GK: variants seen among roughly 807,000 people sequenced by gnomAD.
GK encodes ATP:glycerol 3-phosphotransferase.
Under a neutral mutation model 56.4 loss-of-function variants are expected in GK, and 9 were observed. The ratio of observed to expected loss-of-function variants is 0.16; its 90% confidence interval spans 0.10 to 0.28. The LOEUF (loss-of-function observed/expected upper bound fraction) is 0.28. GK is among the 10% of genes least tolerant of loss of function. The probability of loss-of-function intolerance (pLI) is 1.00; values close to 1 mark genes in which losing one functional copy is unlikely to be tolerated. For synonymous variants in GK, 104 were observed against 144.1 expected, an observed-to-expected ratio of 0.72 and a Z score of 1.99; for missense variants, 161 against 431.4, an observed-to-expected ratio of 0.37 and a Z score of 5.55.
intron 16 of GK, 34 bp from the exon 17 acceptor site, chrX:30,720,587 G>A: frequency 8.5e-7 from 1 of 1,171,257 alleles, no homozygotes; most frequent in South Asian, 1.8e-5. Flanking sequence ...CTATGAAATA[G>A]ATTTATAACA....
chrX:30,689,140 T>G (rs772516992), intron 4 of GK, among the ~76,000 whole-genome samples: 1 of 112,719 alleles, frequency 8.9e-6, no homozygotes, highest in Admixed American at 9.4e-5. Context: ...CACTGTATTT[T>G]GAAACACTGA....
At chrX:30,660,039 G>C (rs900465675) in intron 1 of GK, among the ~76,000 whole-genome samples, 5 of 111,801 alleles carry the variant, frequency 4.5e-5, no homozygotes, top group African/African-American at 1.6e-4. Flanking sequence ...GTGAGCCACC[G>C]GGCCTGGCCA....
chrX:30,675,220 G>A (rs1380574383), intron 3 of GK, among the ~76,000 whole-genome samples: 1 of 106,828 alleles, frequency 9.4e-6, no homozygotes, highest in African/African-American at 3.4e-5. Context: ...TTTTGAGACA[G>A]AGTCTTGCTC....
intron 5 of GK, among the ~76,000 whole-genome samples, chrX:30,693,353 T>C (rs1935081414): frequency 9.0e-6 from 1 of 111,046 alleles, no homozygotes; most frequent in Admixed American, 9.6e-5. Flanking sequence ...AGCCTTTATA[T>C]ACATTTAGTG....
chrX:30,709,261 GGTGCCTTAGACCTGGGACA>G (rs1936196361), intron 13 of GK, among the ~76,000 whole-genome samples: 1 of 111,411 alleles, frequency 9.0e-6, no homozygotes, highest in Non-Finnish European at 1.9e-5. Context: ...TTAGAATACA[GGTGCCTTAGACCTGGGACA>G]GGCCTCAGGG....
intron 1 of GK, 112 bp downstream of exon 1, chrX:30,653,727 G>T (rs1468965935): frequency 1.4e-6 from 1 of 731,444 alleles, no homozygotes; most frequent in East Asian, 3.3e-5. Context: ...TGCCCCGGCC[G>T]CTGGGCAAGG....
At chrX:30,654,482 C>T (rs1932094373) in intron 1 of GK, among the ~76,000 whole-genome samples, 1 of 112,031 alleles carries the variant, frequency 8.9e-6, no homozygotes, top group Non-Finnish European at 1.9e-5. Context: ...GTGGCTTACA[C>T]GTGTAATCCC....
At chrX:30,657,985 G>C (rs191945410) in intron 1 of GK, among the ~76,000 whole-genome samples, 37 of 112,275 alleles carry the variant, frequency 3.3e-4, no homozygotes, top group African/African-American at 8.1e-4. Flanking sequence ...CTCAAATTCA[G>C]TGGGTCCTAG....
rs530309911 is a variant in GK at position 30,701,266 on chromosome X, G to A, written c.851+361G>A. 4.5e-5 allele frequency among the ~76,000 whole-genome samples: 5 copies of A among 111,031 alleles called. No homozygotes were observed. The East Asian group carries it at 8.5e-4, about 19-fold the overall frequency. ...CTCTACTAAAAGTACAAAATTAGCCGGGCGTGTTGGTGCATGCCTGTAATC... is the reference window on the plus strand; with the variant it reads ...CTCTACTAAAAGTACAAAATTAGCCAGGCGTGTTGGTGCATGCCTGTAATC... On this transcript the variant is annotated intron_variant, in intron 11 of 20. Coordinates refer to ENST00000427190, the MANE Select transcript of GK (RefSeq NM_001205019.2).
At chrX:30,724,299 A>G in intron 19 of GK, 118 bp downstream of exon 19, 1 of 508,733 alleles carries the variant, frequency 2.0e-6, no homozygotes, top group Admixed American at 3.2e-5. Flanking sequence ...TCATATGTCC[A>G]GAGATTCTGA....
intron 4 of GK, among the ~76,000 whole-genome samples, chrX:30,684,347 G>A (rs1934460252): frequency 9.0e-6 from 1 of 110,917 alleles, no homozygotes; most frequent in Non-Finnish European, 1.9e-5. Context: ...TTTCTGTAGA[G>A]CACAATTCTT....
chrX:30,674,217 G>C, intron 3 of GK: 1 of 322,691 alleles, frequency 3.1e-6, no homozygotes, highest in South Asian at 2.7e-5. Flanking sequence ...GGAAGCACAG[G>C]AATTGGAATT....
At chrX:30,718,827 G>T (rs753881512) in intron 14 of GK, among the ~76,000 whole-genome samples, 4 of 111,584 alleles carry the variant, frequency 3.6e-5, no homozygotes, top group Admixed American at 9.5e-5. Flanking sequence ...TAATAAACTG[G>T]CAATGTAGGG....
chrX:30,689,423 C>T (rs1237807286), intron 4 of GK: 2 of 314,206 alleles, frequency 6.4e-6, no homozygotes, highest in African/African-American at 2.7e-5. Flanking sequence ...TCTATTTCAA[C>T]TAAATGAAGT....
At chrX:30,654,470 C>T (rs1932092671) in intron 1 of GK, among the ~76,000 whole-genome samples, 1 of 112,025 alleles carries the variant, frequency 8.9e-6, no homozygotes, top group Non-Finnish European at 1.9e-5. Flanking sequence ...AGGCCGGGCG[C>T]GGTGGCTTAC....
At chrX:30,715,520 T>C (rs1464237363) in intron 13 of GK, among the ~76,000 whole-genome samples, 1 of 112,279 alleles carries the variant, frequency 8.9e-6, no homozygotes, top group African/African-American at 3.2e-5. Flanking sequence ...AAGGGCTGAT[T>C]CAAATTTGTA....
At chrX:30,687,607 A>G in intron 4 of GK, 1 of 341,441 alleles carries the variant, frequency 2.9e-6, no homozygotes, top group Non-Finnish European at 5.9e-6. Context: ...AGCTCCTGGT[A>G]CTTCCTCAGG....
rs1309255352 is a variant in GK at position 30,731,224 on chromosome X, A to G, written c.*2482A>G. ...GTGAAGAAAGAAAGTTTTTGGAGAA[A>G]CCAACAAATGAAAGCTGTGATAGCA... On this transcript the variant is annotated 3_prime_UTR_variant, in exon 21 of 21. Coordinates refer to ENST00000427190, the MANE Select transcript of GK (RefSeq NM_001205019.2). The G allele has an allele frequency of 8.9e-6, 1 of 112,489 alleles. No individual in the cohort carries two copies. Among genetic ancestry groups the G allele is most frequent in the Non-Finnish European group, 1.9e-5 (1 of 53,300 alleles). The allele number at this position is 112,489 out of a possible 1,213,427, so 9.3% of individuals were successfully genotyped here.
At chrX:30,723,256 G>A (rs1039562182) in intron 18 of GK, among the ~76,000 whole-genome samples, 3 of 109,693 alleles carry the variant, frequency 2.7e-5, no homozygotes, top group Admixed American at 9.7e-5. Context: ...TTAGCTGGGC[G>A]TGGTGGTGGG....
Sources: gnomAD v4.1 joint callset for allele counts (sites outside exome capture counted in the v4.1 genomes callset) on GRCh38, gnomAD v4.1.1 for gene constraint, MANE v1.5 for transcripts, NCBI Gene and HGNC (gene_info 2026-07-23, HGNC 2026-07-21) for gene names.